The following PIEZO2 variants were observed in gnomAD, a reference collection of about 807,000 sequenced individuals.
PIEZO2 encodes the protein piezo type mechanosensitive ion channel component 2.
PIEZO2 carries 172 observed loss-of-function variants against 337.3 expected under a neutral mutation model. The ratio of observed to expected loss-of-function variants is 0.51; its 90% confidence interval spans 0.45 to 0.58. The LOEUF (loss-of-function observed/expected upper bound fraction) is 0.58, where lower values mean the gene tolerates loss of function less well. PIEZO2 is among the 20% of genes least tolerant of loss of function. The pLI, the probability that PIEZO2 is intolerant of heterozygous loss-of-function variation, is 0.00. For synonymous variants in PIEZO2, 1,251 were observed against 1,228.5 expected (o/e 1.02, Z -0.38); for missense variants, 3,028 against 3,391.3 (o/e 0.89, Z 2.66).
At chr18:11,006,767 T>G (rs536298813) in intron 2 of PIEZO2, among the ~76,000 whole-genome samples, 2 of 152,288 alleles carry the variant, frequency 1.3e-5, no homozygotes, top group South Asian at 4.2e-4. Flanking sequence ...GTGCATCCCT[T>G]TCTGTCTTAT....
At position 11,105,177 on chromosome 18, in the gene PIEZO2, A is replaced by G. The variant is rs72874287; in HGVS notation, c.65-38955T>C. On this transcript the variant is annotated intron_variant, in intron 1 of 55. Coordinates refer to ENST00000674853, the MANE Select transcript of PIEZO2 (RefSeq NM_001378183.1). The surrounding 1 kb of genome is among the most constrained non-coding windows in gnomAD (Gnocchi z 4.3). ...TGCCATGATGGAGGAAGTATCAATA[A>G]ATCGCCCATTTTCTTTGACCACGAT... Among the ~76,000 whole-genome samples the G allele has an allele frequency of 6.6e-6, 1 of 152,230 alleles. No individual in the cohort carries two copies. The highest frequency in any genetic ancestry group is 1.5e-5 in the Non-Finnish European group (1 of 68,028).
At chr18:11,147,554 C>T (rs2040841097) in intron 1 of PIEZO2, among the ~76,000 whole-genome samples, 1 of 152,262 alleles carries the variant, frequency 6.6e-6, no homozygotes, top group South Asian at 2.1e-4. Flanking sequence ...GTGGCCTTTT[C>T]TGCGAAGGCC....
In PIEZO2 at chr18:11,111,723, C is replaced by G. The variant is rs2039743171; in HGVS notation, c.64+36802G>C. Among the ~76,000 whole-genome samples the G allele has an allele frequency of 1.3e-5, 2 of 152,216 alleles. No individual in the cohort carries two copies. Among genetic ancestry groups the G allele is most frequent in the South Asian group, 4.1e-4 (2 of 4,828 alleles). Reference sequence around the variant, plus strand: ...CTTCTTGAACTGACACCGTCACACCCTCGGGGAATCCGTAGCCAGGCACCA... The same window carrying G: ...CTTCTTGAACTGACACCGTCACACCGTCGGGGAATCCGTAGCCAGGCACCA... On this transcript the variant is annotated intron_variant, in intron 1 of 55. Transcript: ENST00000674853. The surrounding 1 kb of genome is among the most constrained non-coding windows in gnomAD (Gnocchi z 6.2).
At chr18:11,079,828 G>A (rs1379189571) in intron 1 of PIEZO2, among the ~76,000 whole-genome samples, 1 of 152,036 alleles carries the variant, frequency 6.6e-6, no homozygotes, top group African/African-American at 2.4e-5. Context: ...ACCAATAAAG[G>A]AATAATTCAG....
chr18:10,683,460 T>C (rs2034368364), intron 49 of PIEZO2, among the ~76,000 whole-genome samples: 2 of 152,280 alleles, frequency 1.3e-5, no homozygotes, highest in Admixed American at 1.3e-4. Context: ...CTGCATGAAG[T>C]TCAGATGGTA....
rs749674005 is a variant in PIEZO2, at chr18:10,697,898, T to A, written c.6695-18A>T. On this transcript the variant is annotated intron_variant, in intron 44 of 55. Transcript: ENST00000674853. ...TGTGCTGCCTAGAAATAAAAAGAGA[T>A]CATAAGATGGGTGGTGGAGCCTGGG... The A allele has an allele frequency of 6.3e-7, 1 of 1,596,432 alleles. No homozygotes were observed. The highest frequency in any genetic ancestry group is 8.5e-7 in the Non-Finnish European group (1 of 1,169,598).
At chr18:11,053,954 G>A (rs551638575) in intron 2 of PIEZO2, among the ~76,000 whole-genome samples, 42 of 152,246 alleles carry the variant, frequency 2.8e-4, no homozygotes, top group Non-Finnish European at 5.0e-4. Context: ...CACCTGGGAG[G>A]TGGAGGCTGC....
chr18:10,908,604 T>C (rs929765625), intron 4 of PIEZO2: 1 of 152,260 alleles, frequency 6.6e-6, no homozygotes, highest in Admixed American at 6.5e-5. Flanking sequence ...CTGTCCTGTA[T>C]TTGAAGGCGC....
intron 26 of PIEZO2, among the ~76,000 whole-genome samples, chr18:10,758,508 C>CAT (rs2037982167): frequency 2.6e-5 from 4 of 151,980 alleles, no homozygotes. Flanking sequence ...TGCAGTGGTG[C>CAT]GATCTTGGCT....
At chr18:11,086,848 T>G (rs1568362354) in intron 1 of PIEZO2, among the ~76,000 whole-genome samples, 1 of 152,208 alleles carries the variant, frequency 6.6e-6, no homozygotes, top group South Asian at 2.1e-4. Flanking sequence ...ACCTCCAAGG[T>G]TTTTTTCCGC....
At chr18:10,840,793 T>C (rs1005592352) in intron 7 of PIEZO2, among the ~76,000 whole-genome samples, 1 of 152,136 alleles carries the variant, frequency 6.6e-6, no homozygotes, top group African/African-American at 2.4e-5. Flanking sequence ...TTTCTGACAG[T>C]TATATTTGGG....
rs2042826762 is a variant in PIEZO2, at chr18:10,894,005, G to T, written c.329+17181C>A. Among the ~76,000 whole-genome samples, 1 of 152,150 alleles carries T rather than the reference G, an allele frequency of 6.6e-6. No individual in the cohort carries two copies. The highest frequency in any genetic ancestry group is 1.5e-5 in the Non-Finnish European group (1 of 68,038). Reference sequence around the variant, plus strand: ...GGTGAGCATCAGATGATGGTCAGGTGGTTGTTAACTGTCTCTTTAAAATAG... The same window carrying T: ...GGTGAGCATCAGATGATGGTCAGGTTGTTGTTAACTGTCTCTTTAAAATAG... On this transcript the variant is annotated intron_variant, in intron 4 of 55. Transcript: ENST00000674853. The surrounding 1 kb of genome is among the most constrained non-coding windows in gnomAD (Gnocchi z 4.1).
intron 1 of PIEZO2, among the ~76,000 whole-genome samples, chr18:11,090,272 TAAAAG>T (rs71169969): frequency 5.3e-4 from 79 of 148,402 alleles, no homozygotes; most frequent in Non-Finnish European, 9.5e-4. Flanking sequence ...AAGAAAGAAA[TAAAAG>T]AGAGAGAGAG....
At chr18:11,049,807 G>A (rs988531399) in intron 2 of PIEZO2, among the ~76,000 whole-genome samples, 18 of 152,084 alleles carry the variant, frequency 1.2e-4, no homozygotes, top group African/African-American at 1.7e-4. Flanking sequence ...CCCCAGCCAC[G>A]TGGAACTGTG....
At position 10,988,924 on chromosome 18, in the gene PIEZO2, G is replaced by A. The variant is rs1291924368; in HGVS notation, c.161-9264C>T. Among the ~76,000 whole-genome samples, 1 of 152,084 alleles carries A rather than the reference G, an allele frequency of 6.6e-6. No individual in the cohort carries two copies. The highest frequency in any genetic ancestry group is 1.9e-4 in the East Asian group (1 of 5,190). On this transcript the variant is annotated intron_variant, in intron 2 of 55. Coordinates refer to ENST00000674853, the MANE Select transcript of PIEZO2 (RefSeq NM_001378183.1). This position sits in a 1 kb window ranked among gnomAD's most constrained non-coding sequence, Gnocchi z 4.8. ...AGTAGAATGGTGGTTATAAGGGGCTGGGGGTGGAGAGCAGGGAAATGGGAG... is the reference window on the plus strand; with the variant it reads ...AGTAGAATGGTGGTTATAAGGGGCTAGGGGTGGAGAGCAGGGAAATGGGAG...
intron 36 of PIEZO2, among the ~76,000 whole-genome samples, chr18:10,730,411 G>A: frequency 6.6e-6 from 1 of 152,242 alleles, no homozygotes; most frequent in East Asian, 1.9e-4. Context: ...TTTTTCACAC[G>A]CTCTCATTGA....
chr18:10,925,320 T>G (rs1258290522), intron 3 of PIEZO2, among the ~76,000 whole-genome samples: 3 of 152,304 alleles, frequency 2.0e-5, no homozygotes, highest in Admixed American at 2.0e-4. Context: ...TGGGTTAAAA[T>G]GTTGGAAATA....
chr18:11,017,089 G>C (rs1314354957), intron 2 of PIEZO2, among the ~76,000 whole-genome samples: 1 of 151,998 alleles, frequency 6.6e-6, no homozygotes. Flanking sequence ...GAATTTCTAG[G>C]GACGAGGGAT....
chr18:11,065,096 C>T (rs1320397879), intron 2 of PIEZO2, among the ~76,000 whole-genome samples: 1 of 152,152 alleles, frequency 6.6e-6, no homozygotes, highest in Non-Finnish European at 1.5e-5. Flanking sequence ...ATCAACATGC[C>T]ATCTGCAGTC....
Sources: allele counts gnomAD v4.1 joint callset (sites outside exome capture counted in the v4.1 genomes callset), GRCh38; gene constraint gnomAD v4.1.1; non-coding constraint Gnocchi (gnomAD v3.1); transcripts MANE v1.5; gene names NCBI Gene and HGNC (gene_info 2026-07-23, HGNC 2026-07-21).